The following SCOC variants were observed in gnomAD, a reference collection of about 807,000 sequenced individuals.
The protein encoded by SCOC is short coiled coil protein.
In SCOC, 7 loss-of-function variants were observed where a neutral mutation model predicts 9.9. The observed-to-expected ratio is 0.71, with a 90% CI of 0.40 to 1.33. SCOC has a LOEUF of 1.33. SCOC is among the 40% of genes most tolerant of loss of function. The pLI, the probability that SCOC is intolerant of heterozygous loss-of-function variation, is 0.01. For synonymous variants in SCOC, 19 were observed against 28.2 expected, an observed-to-expected ratio of 0.67 and a Z score of 1.03; for missense variants, 66 against 89.7, an observed-to-expected ratio of 0.74 and a Z score of 1.07.
intron 1 of SCOC, among the ~76,000 whole-genome samples, chr4:140,329,343 G>T (rs1307659131): frequency 6.6e-6 from 1 of 152,086 alleles, no homozygotes; most frequent in African/African-American, 2.4e-5. Flanking sequence ...AAACCATAAA[G>T]ATTCTAGATG....
At chr4:140,293,128 C>T (rs961073497) in intron 1 of SCOC, 10 of 366,310 alleles carry the variant, frequency 2.7e-5, no homozygotes, top group African/African-American at 4.2e-5. Context: ...TCATGTGTTC[C>T]CCCCTATATC....
upstream of SCOC, chr4:140,373,615 T>A: frequency 6.4e-7 from 1 of 1,551,638 alleles, no homozygotes; most frequent in Non-Finnish European, 8.7e-7. Flanking sequence ...ACGGCGCACG[T>A]TCTGTGGGCG....
chr4:140,293,471 G>A (rs1258586352), intron 1 of SCOC: 2 of 445,706 alleles, frequency 4.5e-6, no homozygotes, highest in Non-Finnish European at 9.0e-6. Context: ...TCTTGAGATG[G>A]AAATGCCGGT....
chr4:140,378,742 TACTC>T (rs1245127634), intron 1 of SCOC, among the ~76,000 whole-genome samples: 1 of 152,154 alleles, frequency 6.6e-6, no homozygotes, highest in Non-Finnish European at 1.5e-5. Context: ...CAAGGTAAAA[TACTC>T]AGTTAAAAAA....
upstream of SCOC, chr4:140,373,403 T>C: frequency 6.8e-7 from 1 of 1,470,902 alleles, no homozygotes; most frequent in Non-Finnish European, 9.0e-7. Context: ...GCTTCTTTAC[T>C]GTCATTGGCT....
intron 2 of SCOC, among the ~76,000 whole-genome samples, chr4:140,360,271 A>C (rs561471955): frequency 6.6e-6 from 1 of 152,376 alleles, no homozygotes; most frequent in South Asian, 2.1e-4. Context: ...TTTTGCCACT[A>C]GAGGTCACCA....
chr4:140,305,286 T>C (rs768624600), intron 1 of SCOC, among the ~76,000 whole-genome samples: 1 of 152,204 alleles, frequency 6.6e-6, no homozygotes, highest in Non-Finnish European at 1.5e-5. Context: ...CAAATAGGTA[T>C]ACGCCTAGTC....
At chr4:140,351,189 TAA>T (rs77010112) in intron 2 of SCOC, among the ~76,000 whole-genome samples, 57 of 132,350 alleles carry the variant, frequency 4.3e-4, no homozygotes, top group Non-Finnish European at 3.9e-4. Flanking sequence ...AGACTTTATC[TAA>T]AAAAAAAAAA....
intron 2 of SCOC, among the ~76,000 whole-genome samples, chr4:140,346,653 G>A (rs1275632508): frequency 1.3e-5 from 2 of 152,142 alleles, no homozygotes; most frequent in African/African-American, 4.8e-5. Context: ...GTGAGAACGG[G>A]CAATGCCAGT....
chr4:140,328,770 T>A (rs576606122), intron 1 of SCOC, among the ~76,000 whole-genome samples: 1 of 152,334 alleles, frequency 6.6e-6, no homozygotes, highest in African/African-American at 2.4e-5. Context: ...ATCTGACACA[T>A]GTCTACAAGA....
chr4:140,306,125 C>G (rs1316700051), intron 1 of SCOC, among the ~76,000 whole-genome samples: 1 of 152,202 alleles, frequency 6.6e-6, no homozygotes. Context: ...CACAGTTCCA[C>G]ATGGCTGGGG....
At chr4:140,362,307 T>TCTTCTTCTTCTTCTTCTTC in intron 2 of SCOC, among the ~76,000 whole-genome samples, 1 of 67,662 alleles carries the variant, frequency 1.5e-5, no homozygotes, top group East Asian at 3.4e-4. Flanking sequence ...TTCTTTTTTT[T>TCTTCTTCTTCTTCTTCTTC]TTTTTTTTGT....
At chr4:140,293,042 C>T (rs1348700974) in intron 1 of SCOC, among the ~76,000 whole-genome samples, 2 of 152,236 alleles carry the variant, frequency 1.3e-5, no homozygotes, top group Non-Finnish European at 2.9e-5. Context: ...GTCAACTGCT[C>T]TTGGTTTCTC....
At chr4:140,271,822 G>C (rs1168539611) in intron 1 of SCOC, among the ~76,000 whole-genome samples, 1 of 152,080 alleles carries the variant, frequency 6.6e-6, no homozygotes, top group African/African-American at 2.4e-5. Context: ...ATCAAACAGG[G>C]TCTCTGCCAC....
chr4:140,345,557 A>T (rs1726699266), intron 2 of SCOC, among the ~76,000 whole-genome samples: 1 of 152,256 alleles, frequency 6.6e-6, no homozygotes, highest in South Asian at 2.1e-4. Context: ...AACTAAAAAT[A>T]GGAAAACAAA....
chr4:140,377,718 C>G (rs1042155163), intron 1 of SCOC, among the ~76,000 whole-genome samples: 1 of 152,086 alleles, frequency 6.6e-6, no homozygotes, highest in Non-Finnish European at 1.5e-5. Flanking sequence ...ATGTTAGTAT[C>G]TGAAGTACAA....
chr4:140,273,324 A>G (rs1578759341), intron 1 of SCOC, among the ~76,000 whole-genome samples: 1 of 152,224 alleles, frequency 6.6e-6, no homozygotes, highest in Admixed American at 6.5e-5. Flanking sequence ...CTCTATATCT[A>G]TGAGACATTT....
At position 140,285,273 on chromosome 4, in the gene SCOC, A is replaced by T. The variant is rs986975902; in HGVS notation, c.-19+27863A>T. On this transcript the variant is annotated intron_variant, in intron 1 of 4. Transcript: ENST00000394205. ...TGTAATCAGGAGCAGGTTTTTCTTA[A>T]GGAGCCAAAAGAGAGAAGAGATAAT... The T allele has an allele frequency of 1.3e-5, 6 of 456,648 alleles. No homozygotes were observed. The East Asian group carries it at 4.2e-4, about 32-fold the overall frequency. 28.3% of individuals were successfully genotyped at this position (456,648 alleles called of 1,614,324 possible).
At chr4:140,320,074 A>G (rs1360080781) in intron 1 of SCOC, among the ~76,000 whole-genome samples, 1 of 152,210 alleles carries the variant, frequency 6.6e-6, no homozygotes, top group Non-Finnish European at 1.5e-5. Flanking sequence ...ATGGTTAGGC[A>G]TTCTAAGTCA....
Sources: gnomAD v4.1 joint callset for allele counts (sites outside exome capture counted in the v4.1 genomes callset) on GRCh38, gnomAD v4.1.1 for gene constraint, MANE v1.5 for transcripts, NCBI Gene and HGNC (gene_info 2026-07-23, HGNC 2026-07-21) for gene names.